Variants in SDSL observed in about 807,000 individuals in gnomAD.
SDSL encodes the protein serine dehydratase like.
SDSL carries 26 observed loss-of-function variants against 27.6 expected under a neutral mutation model. The observed-to-expected ratio is 0.94, with a 90% confidence interval of 0.69 to 1.31. The LOEUF is 1.31. Ranked by LOEUF, SDSL falls within the 50% of genes most tolerant of loss-of-function variation. The pLI, the probability that SDSL is intolerant of heterozygous loss-of-function variation, is 0.00. For missense variants in SDSL, 431 were observed against 423.5 expected (o/e 1.02, Z -0.16); for synonymous variants, 196 against 180.6 (o/e 1.09, Z -0.69).
intron 1 of SDSL, chr12:113,422,685 C>G (rs940195507): frequency 6.6e-6 from 1 of 152,182 alleles, no homozygotes; most frequent in Non-Finnish European, 1.5e-5. Context: ...TGCTGGGGAC[C>G]CTGAAGGGCG....
intron 4 of SDSL, among the ~76,000 whole-genome samples, chr12:113,431,740 A>ATTT (rs36029038): frequency 8.2e-6 from 1 of 122,402 alleles, no homozygotes. Context: ...CACCCAGCTA[A>ATTT]TTTTTTTTTT....
chr12:113,432,265 T>TTTC lies in SDSL; in HGVS notation c.355-1866_355-1864dup, dbSNP rs1555210072. ...CTTTCTTTCTTTCTTTCTTTCTTTC[T>TTTC]TTCTTTCTTTCTTTCTTTCTTTCTT... On this transcript the variant is annotated intron_variant, in intron 4 of 7. Coordinates refer to ENST00000403593, the MANE Select transcript of SDSL (RefSeq NM_001304993.2). 7.5e-4 allele frequency among the ~76,000 whole-genome samples: 103 copies of TTTC among 137,376 alleles called. 2 individuals carry two copies. The highest frequency in any genetic ancestry group is 2.7e-3 in the African/African-American group (95 of 35,240). The allele number at this position is 137,376 out of a possible 152,430, so 90.1% of individuals were successfully genotyped here. A position where few individuals can be genotyped will look rare whatever the true frequency, so the allele number is the denominator to read the frequency against.
At chr12:113,423,008 C>T (rs1046419148) in intron 1 of SDSL, 3 of 152,274 alleles carry the variant, frequency 2.0e-5, no homozygotes, top group South Asian at 2.1e-4. Context: ...CATTTCAGCC[C>T]TGGTGGCTGC....
intron 1 of SDSL, among the ~76,000 whole-genome samples, chr12:113,424,069 G>A (rs565933553): frequency 2.0e-5 from 3 of 152,114 alleles, no homozygotes; most frequent in African/African-American, 4.8e-5. Context: ...GTGCAATGGC[G>A]CGATCTCGGC....
At position 113,435,374 on chromosome 12, in the gene SDSL, G is replaced by A; in HGVS notation, c.489G>A (p.Arg163=). Residue 163 remains arginine (R), a synonymous_variant, in exon 6 of 8, where the codon AGG becomes AGA. Transcript: ENST00000403593. ...SLVQELKAVL[R]TPPGALVLAV... ...TGCAGGAGCTGAAAGCAGTGCTGAG[G>A]ACCCCACCAGGTGCCCTGGTGCTGG... 1.3e-6 allele frequency: 2 copies of A among 1,598,132 alleles called. No homozygotes were observed. Among genetic ancestry groups the A allele is most frequent in the Non-Finnish European group, 1.7e-6 (2 of 1,172,792 alleles).
At chr12:113,434,534 C>A (rs774713938) in intron 5 of SDSL, among the ~76,000 whole-genome samples, 2 of 152,184 alleles carry the variant, frequency 1.3e-5, no homozygotes, top group Admixed American at 1.3e-4. Flanking sequence ...TCTATTTACC[C>A]TCCCCAAAGC....
At chr12:113,436,713 C>A in intron 6 of SDSL, 38 bp from the exon 7 acceptor site, 2 of 1,538,008 alleles carry the variant, frequency 1.3e-6, no homozygotes, top group Non-Finnish European at 1.7e-6. Context: ...CTTCCCTGAG[C>A]CCCTGGTCTC....
rs759236095 is a variant in SDSL, at chr12:113,436,798, A to G, written c.719A>G (p.Glu240Gly). 6.2e-7 allele frequency: 1 copy of G among 1,611,746 alleles called. No homozygotes were observed. Among genetic ancestry groups the G allele is most frequent in the South Asian group, 1.1e-5 (1 of 90,852 alleles). ...GAKTVAARAL[E>G]CMQVCKIHSE... ...AAGACGGTGGCCGCTCGGGCCCTGG[A>G]GTGCATGCAGGTGTGCAAGATTCAC... The change falls in exon 7 of 8, where the codon GAG becomes GGG. Residue 240 changes from glutamate to glycine, a missense_variant. Coordinates refer to ENST00000403593, the MANE Select transcript of SDSL (RefSeq NM_001304993.2).
At chr12:113,425,175 A>T (rs984576507) in intron 1 of SDSL, among the ~76,000 whole-genome samples, 1 of 152,132 alleles carries the variant, frequency 6.6e-6, no homozygotes, top group Non-Finnish European at 1.5e-5. Context: ...GCTGGTTTCT[A>T]ACTTTTGCTT....
At chr12:113,426,254 C>A in intron 1 of SDSL, 2 of 455,956 alleles carry the variant, frequency 4.4e-6, no homozygotes, top group Non-Finnish European at 8.8e-6. Flanking sequence ...TTCCTCTTGG[C>A]TCTCTTCCTG....
At chr12:113,432,212 CTT>C (rs1957931049) in intron 4 of SDSL, among the ~76,000 whole-genome samples, 2 of 1,022 alleles carry the variant, frequency 2.0e-3, no homozygotes, top group Admixed American at 8.8e-3. Context: ...TTGTTTGCTT[CTT>C]TCTTTCTTTC....
intron 1 of SDSL, among the ~76,000 whole-genome samples, chr12:113,424,724 T>C (rs1957828127): frequency 1.3e-5 from 2 of 151,570 alleles, no homozygotes; most frequent in Admixed American, 1.3e-4. Flanking sequence ...ATGACAGATG[T>C]TATTCTCTCT....
chr12:113,432,503 G>A (rs1477073097), intron 4 of SDSL, among the ~76,000 whole-genome samples: 9 of 151,366 alleles, frequency 5.9e-5, no homozygotes, highest in African/African-American at 2.2e-4. Context: ...CACCACACCC[G>A]GCTATTTTTT....
At chr12:113,437,426 GA>G (rs901047977) in intron 7 of SDSL, among the ~76,000 whole-genome samples, 1 of 152,222 alleles carries the variant, frequency 6.6e-6, no homozygotes, top group African/African-American at 2.4e-5. Flanking sequence ...GTAATGGATA[GA>G]TGGACAGTGG....
intron 1 of SDSL, among the ~76,000 whole-genome samples, chr12:113,424,645 C>T (rs1160203442): frequency 1.3e-5 from 2 of 152,186 alleles, no homozygotes; most frequent in Admixed American, 1.3e-4. Context: ...AAGCATGACA[C>T]AAGGTATCAG....
At chr12:113,425,006 G>A (rs1011094424) in intron 1 of SDSL, among the ~76,000 whole-genome samples, 3 of 152,152 alleles carry the variant, frequency 2.0e-5, no homozygotes, top group African/African-American at 7.2e-5. Context: ...AAAGTGCTGG[G>A]ATTATAGGCA....
rs779804620 is a variant in SDSL, at chr12:113,427,991, C to T, written c.9C>T (p.Gly3=). MD[G]PVAEHAKQEP... is the part of the protein sequence containing the mutation. ...TCTACCTGGTCTCCAGAATGGACGG[C>T]CCTGTGGCAGAGCATGCCAAGCAGG... The change falls in exon 2 of 8, where the codon GGC becomes GGT. Residue 3 remains glycine (G), a synonymous_variant. Coordinates refer to ENST00000403593, the MANE Select transcript of SDSL (RefSeq NM_001304993.2). 1 of 1,611,378 alleles carries T rather than the reference C, an allele frequency of 6.2e-7. No individual in the cohort carries two copies. Among genetic ancestry groups the T allele is most frequent in the Admixed American group, 1.7e-5 (1 of 59,700 alleles).
intron 5 of SDSL, among the ~76,000 whole-genome samples, chr12:113,434,534 CT>C (rs1266362929): frequency 6.6e-6 from 1 of 152,184 alleles, no homozygotes; most frequent in East Asian, 1.9e-4. Context: ...TCTATTTACC[CT>C]CCCCAAAGCC....
At chr12:113,426,021 C>T in intron 1 of SDSL, 6 of 387,090 alleles carry the variant, frequency 1.6e-5, no homozygotes, top group Non-Finnish European at 3.1e-5. Context: ...CCACCACCAC[C>T]TCCACCACCA....
Sources: gnomAD v4.1 joint callset for allele counts (sites outside exome capture counted in the v4.1 genomes callset) on GRCh38, gnomAD v4.1.1 for gene constraint, MANE v1.5 for transcripts, NCBI Gene and HGNC (gene_info 2026-07-23, HGNC 2026-07-21) for gene names.